Variants in CEP128 observed in about 807,000 individuals in gnomAD.
CEP128 encodes the protein centrosomal protein 128.
A neutral mutation model predicts 156.7 loss-of-function variants in CEP128; 132 were observed. That is an observed-to-expected ratio of 0.84 (90% CI 0.73 to 0.97). The LOEUF is 0.97. CEP128 is among the 50% of genes least tolerant of loss of function. The pLI is 0.00. For synonymous variants in CEP128, 469 were observed against 448.9 expected (o/e 1.04, Z -0.57); for missense variants, 1,252 against 1,281.9 (o/e 0.98, Z 0.36).
chr14:80,527,031 T>C, intron 22 of CEP128, 49 bp from the exon 23 acceptor site: 1 of 844,186 alleles, frequency 1.2e-6, no homozygotes, highest in Non-Finnish European at 1.9e-6. Flanking sequence ...TGAAAGAAAA[T>C]CAGTGCTTGA....
At chr14:80,791,367 C>T (rs1901695892) in intron 14 of CEP128, among the ~76,000 whole-genome samples, 1 of 152,086 alleles carries the variant, frequency 6.6e-6, no homozygotes, top group South Asian at 2.1e-4. Context: ...TGGAAGTATT[C>T]TGGGAAATGA....
intron 21 of CEP128, among the ~76,000 whole-genome samples, chr14:80,555,801 A>C (rs1890408125): frequency 6.6e-6 from 1 of 152,108 alleles, no homozygotes; most frequent in Non-Finnish European, 1.5e-5. Flanking sequence ...ATGAACCCAG[A>C]TCACAATGAT....
chr14:80,796,446 C>T (rs35749780), intron 13 of CEP128, among the ~76,000 whole-genome samples: 15,027 of 150,848 alleles, frequency 0.1, 1,233 homozygotes, highest in East Asian at 0.43. Context: ...GGCCACACAG[C>T]GAGATTCAGT....
At chr14:80,828,573 G>A (rs577646609) in intron 13 of CEP128, among the ~76,000 whole-genome samples, 1 of 152,220 alleles carries the variant, frequency 6.6e-6, no homozygotes, top group Non-Finnish European at 1.5e-5. Flanking sequence ...ACTTTTACAT[G>A]GGGGAAAAAG....
At chr14:80,529,871 A>T (rs1889146700) in intron 22 of CEP128, among the ~76,000 whole-genome samples, 1 of 152,226 alleles carries the variant, frequency 6.6e-6, no homozygotes, top group Non-Finnish European at 1.5e-5. Flanking sequence ...AATGTTAGTT[A>T]CTGAACTACC....
intron 8 of CEP128, among the ~76,000 whole-genome samples, chr14:80,879,513 C>A (rs1307092833): frequency 6.6e-6 from 1 of 151,412 alleles, no homozygotes; most frequent in Non-Finnish European, 1.5e-5. Context: ...AAAAAAAGAA[C>A]CAATCATAAA....
intron 19 of CEP128, among the ~76,000 whole-genome samples, chr14:80,605,686 C>G (rs1371704499): frequency 1.3e-5 from 2 of 151,976 alleles, no homozygotes; most frequent in Non-Finnish European, 2.9e-5. Flanking sequence ...TCTTTCCTGT[C>G]AGTGTCAAGG....
At chr14:80,697,681 A>G (rs1896934986) in intron 19 of CEP128, among the ~76,000 whole-genome samples, 1 of 152,056 alleles carries the variant, frequency 6.6e-6, no homozygotes, top group Non-Finnish European at 1.5e-5. Flanking sequence ...ACACTGTAAC[A>G]TCTGTTCCAT....
At chr14:80,581,043 G>A (rs1891570557) in intron 19 of CEP128, among the ~76,000 whole-genome samples, 2 of 152,196 alleles carry the variant, frequency 1.3e-5, no homozygotes, top group Admixed American at 1.3e-4. Flanking sequence ...ATTAGTGGTT[G>A]GAAGGGAAGG....
intron 21 of CEP128, among the ~76,000 whole-genome samples, chr14:80,544,549 T>A (rs979361777): frequency 6.6e-6 from 1 of 152,228 alleles, no homozygotes; most frequent in Non-Finnish European, 1.5e-5. Flanking sequence ...CATGACCTCA[T>A]GACCTAATAA....
chr14:80,662,015 G>T (rs977699859), intron 19 of CEP128, among the ~76,000 whole-genome samples: 10 of 152,070 alleles, frequency 6.6e-5, no homozygotes, highest in African/African-American at 1.7e-4. Flanking sequence ...TGGCTGCTTG[G>T]AGAAACATTT....
chr14:80,744,707 G>T (rs189192636), intron 18 of CEP128, among the ~76,000 whole-genome samples: 1 of 152,214 alleles, frequency 6.6e-6, no homozygotes, highest in East Asian at 1.9e-4. Flanking sequence ...CACAGTCAAG[G>T]TACGTGATAG....
intron 19 of CEP128, among the ~76,000 whole-genome samples, chr14:80,641,383 C>T (rs139638350): frequency 8.7e-4 from 132 of 152,340 alleles, no homozygotes; most frequent in African/African-American, 2.9e-3. Flanking sequence ...ATAGGGCCAG[C>T]GTGCCCTTTC....
intron 13 of CEP128, among the ~76,000 whole-genome samples, chr14:80,825,176 C>A (rs551872149): frequency 6.6e-6 from 1 of 152,218 alleles, no homozygotes; most frequent in Admixed American, 6.5e-5. Context: ...CCTCCCACAA[C>A]GGTGGGGATT....
At chr14:80,562,655 CTTTTT>C (rs1170778718) in intron 20 of CEP128, among the ~76,000 whole-genome samples, 7 of 114,366 alleles carry the variant, frequency 6.1e-5, no homozygotes, top group Admixed American at 1.8e-4. Flanking sequence ...CTTTTCTTTT[CTTTTT>C]TTTTTTTTTT....
intron 19 of CEP128, among the ~76,000 whole-genome samples, chr14:80,648,812 A>G (rs61979380): frequency 0.15 from 23,216 of 152,088 alleles, 2,055 homozygotes; most frequent in East Asian, 0.34. Flanking sequence ...TGGACACTAT[A>G]CTGCTTGCCT....
rs772152188 is a variant in CEP128 at position 80,845,634 on chromosome 14, T to TAA, written c.763-4868_763-4867dup. ...GTATATCTTTGAACAGAAAGCTCTG[T>TAA]AAATATACAACATCTTCCAGTGTCC... On this transcript the variant is annotated intron_variant, in intron 9 of 24. Transcript: ENST00000555265. Among the ~76,000 whole-genome samples the TAA allele has an allele frequency of 8.7e-4, 132 of 152,338 alleles. No homozygotes were observed. In the Middle Eastern group the frequency reaches 0.01, roughly 12 times the overall value.
intron 23 of CEP128, among the ~76,000 whole-genome samples, chr14:80,507,388 C>T (rs1888028509): frequency 6.6e-6 from 1 of 152,070 alleles, no homozygotes; most frequent in Non-Finnish European, 1.5e-5. Flanking sequence ...AAATATATTC[C>T]AACAACTACT....
intron 8 of CEP128, among the ~76,000 whole-genome samples, chr14:80,864,484 T>C (rs2140166039): frequency 6.6e-6 from 1 of 152,304 alleles, no homozygotes; most frequent in Non-Finnish European, 1.5e-5. Flanking sequence ...CAAAATTATT[T>C]AGACATCAGC....
Sources: gnomAD v4.1 joint callset for allele counts (sites outside exome capture counted in the v4.1 genomes callset) on GRCh38, gnomAD v4.1.1 for gene constraint, MANE v1.5 for transcripts, NCBI Gene and HGNC (gene_info 2026-07-23, HGNC 2026-07-21) for gene names.